TLN2: variants seen among roughly 807,000 people sequenced by gnomAD.
TLN2 encodes talin 2, also known as talin-2.
A neutral mutation model predicts 294.7 loss-of-function variants in TLN2; 118 were observed. The ratio of observed to expected loss-of-function variants is 0.40; its 90% CI spans 0.34 to 0.47. The LOEUF is 0.47. Ranked by LOEUF, TLN2 falls within the 20% of genes least tolerant of loss-of-function variation. The pLI, the probability that TLN2 is intolerant of heterozygous loss-of-function variation, is 0.84. For missense variants in TLN2, 3,083 were observed against 3,282.2 expected (o/e 0.94, Z 1.48); for synonymous variants, 1,431 against 1,304.5 (o/e 1.10, Z -2.09).
At chr15:62,450,519 A>G (rs1180141802) in intron 1 of TLN2, among the ~76,000 whole-genome samples, 8 of 59,448 alleles carry the variant, frequency 1.3e-4, no homozygotes, top group African/African-American at 3.0e-4. Context: ...TCGTGTATGT[A>G]TGTATGTATG....
chr15:62,592,729 C>G (rs1281342985), intron 2 of TLN2, among the ~76,000 whole-genome samples: 1 of 152,186 alleles, frequency 6.6e-6, no homozygotes. Context: ...CTAAGACATT[C>G]TGGATGAGAT....
chr15:62,495,221 T>C (rs371681664), intron 1 of TLN2, among the ~76,000 whole-genome samples: 45 of 152,340 alleles, frequency 3.0e-4, no homozygotes, highest in African/African-American at 1.0e-3. Context: ...CTTTATATAA[T>C]GACCCTCCTA....
intron 32 of TLN2, among the ~76,000 whole-genome samples, chr15:62,743,638 G>A (rs1454581169): frequency 6.6e-6 from 1 of 152,100 alleles, no homozygotes; most frequent in Non-Finnish European, 1.5e-5. Flanking sequence ...CCATTCATCA[G>A]CCTTTTTCCC....
chr15:62,815,560 A>C (rs962380221), intron 52 of TLN2, among the ~76,000 whole-genome samples: 1 of 152,228 alleles, frequency 6.6e-6, no homozygotes, highest in Admixed American at 6.5e-5. Context: ...CAGGTGGTAC[A>C]TGGAGAATCG....
At chr15:62,787,695 T>A (rs1205612651) in intron 45 of TLN2, among the ~76,000 whole-genome samples, 2 of 12,106 alleles carry the variant, frequency 1.7e-4, no homozygotes, top group Non-Finnish European at 7.6e-4. Context: ...CTCCTTATCT[T>A]TTTTTTTTTT....
In TLN2 at chr15:62,819,550, A is replaced by T. The variant is rs1379007433; in HGVS notation, c.6806A>T (p.Gln2269Leu). 1.9e-6 allele frequency: 3 copies of T among 1,614,054 alleles called. No homozygotes were observed. Among genetic ancestry groups the T allele is most frequent in the Non-Finnish European group, 2.5e-6 (3 of 1,180,036 alleles). Reference protein sequence around the residue: ...LQKPTPEFKQQLAAFSKRVAG... With the variant: ...LQKPTPEFKQLLAAFSKRVAG... ...AAACCAACCCCAGAATTCAAGCAGC[A>T]GCTGGCCGCTTTCTCCAAGCGAGTC... Residue 2269 changes from glutamine (Q) to leucine (L), a missense_variant, in exon 53 of 59, where the codon CAG becomes CTG. Gln to Leu is a moderately radical substitution (Grantham distance 113). Coordinates refer to ENST00000636159, the MANE Select transcript of TLN2 (RefSeq NM_015059.3).
At chr15:62,436,463 A>C (rs902376143) in intron 1 of TLN2, among the ~76,000 whole-genome samples, 1 of 152,154 alleles carries the variant, frequency 6.6e-6, no homozygotes, top group African/African-American at 2.4e-5. Flanking sequence ...CCTGAGTGGG[A>C]GTTTGCCAGC....
chr15:62,569,782 T>C (rs533789477), intron 1 of TLN2, among the ~76,000 whole-genome samples: 1 of 152,284 alleles, frequency 6.6e-6, no homozygotes, highest in South Asian at 2.1e-4. Flanking sequence ...ACCAGAGTAG[T>C]TTTATAAACA....
chr15:62,675,803 G>T (rs2056116240), intron 11 of TLN2, among the ~76,000 whole-genome samples: 2 of 152,176 alleles, frequency 1.3e-5, no homozygotes, highest in South Asian at 2.1e-4. Flanking sequence ...CCTACTAGAG[G>T]AAAAGAGGCG....
At chr15:62,408,795 A>G (rs1368480020) in intron 1 of TLN2, among the ~76,000 whole-genome samples, 1 of 151,974 alleles carries the variant, frequency 6.6e-6, no homozygotes, top group African/African-American at 2.4e-5. Context: ...TGGTCCAAGA[A>G]TTTGTTGTTT....
chr15:62,586,938 G>T (rs2140718617), intron 1 of TLN2, among the ~76,000 whole-genome samples: 1 of 152,280 alleles, frequency 6.6e-6, no homozygotes, highest in South Asian at 2.1e-4. Context: ...TATGACTACA[G>T]GATTATTGTG....
chr15:62,535,934 G>A (rs1028019697), intron 1 of TLN2, among the ~76,000 whole-genome samples: 2 of 152,096 alleles, frequency 1.3e-5, no homozygotes, highest in African/African-American at 2.4e-5. Flanking sequence ...TGACAAATGC[G>A]CAAAGTCTTG....
chr15:62,772,549 C>G (rs1240452929), intron 42 of TLN2, among the ~76,000 whole-genome samples: 1 of 152,180 alleles, frequency 6.6e-6, no homozygotes, highest in Non-Finnish European at 1.5e-5. Flanking sequence ...TACCCTCTGA[C>G]TCACTTCTGG....
At chr15:62,451,975 G>A (rs1387538937) in intron 1 of TLN2, among the ~76,000 whole-genome samples, 1 of 151,934 alleles carries the variant, frequency 6.6e-6, no homozygotes, top group African/African-American at 2.4e-5. Flanking sequence ...GTGTGTGTAC[G>A]TGTTGATATT....
chr15:62,594,994 A>G (rs1234612974), intron 2 of TLN2, among the ~76,000 whole-genome samples: 1 of 152,252 alleles, frequency 6.6e-6, no homozygotes, highest in Admixed American at 6.5e-5. Flanking sequence ...CTGAATAGAC[A>G]TTTCTCAAAA....
chr15:62,797,416 C>T lies in TLN2; in HGVS notation c.6234+14C>T. The T allele has an allele frequency of 6.3e-7, 1 of 1,579,134 alleles. No individual in the cohort carries two copies. The highest frequency in any genetic ancestry group is 8.6e-7 in the Non-Finnish European group (1 of 1,167,700). On this transcript the variant is annotated intron_variant, in intron 48 of 58. Coordinates refer to ENST00000636159, the MANE Select transcript of TLN2 (RefSeq NM_015059.3). ...CCCGAGACCCAGGTACCAGCAGGGC[C>T]TGGGGAGTGCGTCCTCCCGGTCTTC...
intron 1 of TLN2, among the ~76,000 whole-genome samples, chr15:62,570,012 C>G (rs946442262): frequency 6.6e-6 from 1 of 152,284 alleles, no homozygotes; most frequent in Non-Finnish European, 1.5e-5. Flanking sequence ...TAACTGTCCT[C>G]TCTCTTCCTT....
intron 43 of TLN2, among the ~76,000 whole-genome samples, chr15:62,779,799 G>T (rs948855344): frequency 1.3e-5 from 2 of 152,242 alleles, no homozygotes; most frequent in African/African-American, 4.8e-5. Context: ...AATAGGGAAA[G>T]CTAAAAAAGT....
At chr15:62,564,941 T>C (rs56151703) in intron 1 of TLN2, among the ~76,000 whole-genome samples, 13,045 of 136,870 alleles carry the variant, frequency 0.095, 952 homozygotes, top group East Asian at 0.38. Context: ...TATATATATA[T>C]ACTGCATTCC....
Sources: gnomAD v4.1 joint callset for allele counts (sites outside exome capture counted in the v4.1 genomes callset) on GRCh38, gnomAD v4.1.1 for gene constraint, MANE v1.5 for transcripts, NCBI Gene and HGNC (gene_info 2026-07-23, HGNC 2026-07-21) for gene names.